Variants in PDZRN3 observed in about 807,000 individuals in gnomAD.
PDZRN3 encodes E3 ubiquitin-protein ligase PDZRN3.
PDZRN3 carries 38 observed loss-of-function variants against 85.7 expected under a neutral mutation model. That is an observed-to-expected ratio of 0.44 (90% CI 0.34 to 0.58). The LOEUF (loss-of-function observed/expected upper bound fraction) is 0.58, where lower values mean the gene tolerates loss of function less well. Among genes scored for constraint, PDZRN3 ranks in the 20% least tolerant of loss-of-function variants. The probability of loss-of-function intolerance (pLI) is 0.01; values close to 1 mark genes in which losing one functional copy is unlikely to be tolerated. For synonymous variants in PDZRN3, 759 were observed against 638.0 expected (o/e 1.19, Z -2.86); for missense variants, 1,629 against 1,506.4 (o/e 1.08, Z -1.35).
chr3:73,514,586 C>G (rs930308069), intron 3 of PDZRN3, among the ~76,000 whole-genome samples: 1 of 152,132 alleles, frequency 6.6e-6, no homozygotes, highest in Non-Finnish European at 1.5e-5. Flanking sequence ...GAAATTTCAA[C>G]CAATTGGTCT....
intron 3 of PDZRN3, among the ~76,000 whole-genome samples, chr3:73,464,470 ATTG>A (rs1219087120): frequency 6.6e-6 from 1 of 152,168 alleles, no homozygotes; most frequent in Non-Finnish European, 1.5e-5. Context: ...TCTAATTGTC[ATTG>A]TTGAACTCTC....
At chr3:73,571,515 C>T (rs1702046064) in intron 3 of PDZRN3, among the ~76,000 whole-genome samples, 2 of 152,228 alleles carry the variant, frequency 1.3e-5, no homozygotes, top group South Asian at 4.1e-4. Flanking sequence ...GCTGTAGTCA[C>T]ATTCTCACTT....
chr3:73,553,248 A>T (rs577526879), intron 3 of PDZRN3, among the ~76,000 whole-genome samples: 118 of 152,236 alleles, frequency 7.8e-4, no homozygotes, highest in African/African-American at 2.7e-3. Context: ...TGACACAATG[A>T]TCTCATTTAT....
chr3:73,388,010 T>TTCTTCACTGGTTAGAAGAGCCACAGCC lies in PDZRN3; in HGVS notation c.1449_1475dup (p.Ala484_Glu492dup). 6.2e-7 allele frequency: 1 copy of TTCTTCACTGGTTAGAAGAGCCACAGCC among 1,602,324 alleles called. No individual in the cohort carries two copies. Among genetic ancestry groups the TTCTTCACTGGTTAGAAGAGCCACAGCC allele is most frequent in the Non-Finnish European group, 8.5e-7 (1 of 1,173,080 alleles). ...CAATCAGCAATGAAAAGTTTTTATT[T>TTCTTCACTGGTTAGAAGAGCCACAGCC]TCTTCACTGGTTAGAAGAGCCACAG... On this transcript the variant is annotated inframe_insertion, in exon 8 of 10. Transcript: ENST00000263666.
chr3:73,618,068 A>G (rs12630477), intron 1 of PDZRN3, among the ~76,000 whole-genome samples: 17,590 of 152,246 alleles, frequency 0.12, 1,129 homozygotes, highest in East Asian at 0.18. Flanking sequence ...CACTGGACCT[A>G]TGTAAATGGG....
intron 3 of PDZRN3, among the ~76,000 whole-genome samples, chr3:73,497,811 G>A (rs7621605): frequency 2.5e-4 from 36 of 146,372 alleles, no homozygotes; most frequent in African/African-American, 9.6e-4. Flanking sequence ...CCCCGTCCCC[G>A]CCCCCGCCAA....
rs115180679 is a variant in PDZRN3, at chr3:73,485,560, T to C, written c.919-81165A>G. Among the ~76,000 whole-genome samples the C allele has an allele frequency of 2.7e-3, 406 of 152,312 alleles. 1 individual carries two copies. The highest frequency in any genetic ancestry group is 9.2e-3 in the African/African-American group (384 of 41,578). On this transcript the variant is annotated intron_variant, in intron 3 of 9. Coordinates refer to ENST00000263666, the MANE Select transcript of PDZRN3 (RefSeq NM_015009.3). ...TTCAAAGTCAAATACTACAAAGCAT[T>C]GCAAAGAATTAAGCTCTTATTTTAG...
intron 3 of PDZRN3, among the ~76,000 whole-genome samples, chr3:73,541,453 C>A (rs1704920055): frequency 3.3e-5 from 5 of 152,094 alleles, no homozygotes; most frequent in South Asian, 2.1e-4. Context: ...TAATTATCTC[C>A]TTTTTACACA....
intron 3 of PDZRN3, among the ~76,000 whole-genome samples, chr3:73,519,648 CTAAG>C (rs1704317934): frequency 6.6e-6 from 1 of 152,306 alleles, no homozygotes; most frequent in East Asian, 1.9e-4. Context: ...CCTGGAAGCC[CTAAG>C]TGAGTAAAGA....
intron 3 of PDZRN3, among the ~76,000 whole-genome samples, chr3:73,428,041 G>C (rs1328199587): frequency 2.0e-5 from 3 of 152,218 alleles, no homozygotes; most frequent in East Asian, 3.9e-4. Context: ...CAGCTGCAAA[G>C]TCTTGAGAAG....
chr3:73,513,495 T>C (rs1704204185), intron 3 of PDZRN3, among the ~76,000 whole-genome samples: 1 of 152,192 alleles, frequency 6.6e-6, no homozygotes, highest in Non-Finnish European at 1.5e-5. Context: ...TGCTGGACCC[T>C]GGCCAGTTAA....
intron 3 of PDZRN3, among the ~76,000 whole-genome samples, chr3:73,432,501 G>A (rs1469498776): frequency 8.5e-5 from 13 of 152,144 alleles, no homozygotes; most frequent in Non-Finnish European, 1.8e-4. Context: ...CTGTCTCAGT[G>A]GGGAAGGCAG....
intron 3 of PDZRN3, among the ~76,000 whole-genome samples, chr3:73,594,354 A>T (rs12635639): frequency 0.18 from 27,085 of 150,014 alleles, 2,974 homozygotes; most frequent in South Asian, 0.24. Context: ...CAAGAAGAAA[A>T]CAGATCTCAG....
intron 3 of PDZRN3, among the ~76,000 whole-genome samples, chr3:73,498,176 C>T (rs1703904475): frequency 6.6e-6 from 1 of 152,220 alleles, no homozygotes; most frequent in Non-Finnish European, 1.5e-5. Flanking sequence ...ATCCCTGTCA[C>T]TCCACTTGAA....
At chr3:73,516,596 C>T (rs1373482838) in intron 3 of PDZRN3, among the ~76,000 whole-genome samples, 1 of 151,964 alleles carries the variant, frequency 6.6e-6, no homozygotes, top group East Asian at 1.9e-4. Context: ...TGTTTTTTGC[C>T]ATACATAAGT....
intron 3 of PDZRN3, among the ~76,000 whole-genome samples, chr3:73,594,745 T>C (rs1172032586): frequency 2.6e-5 from 4 of 152,152 alleles, no homozygotes. Context: ...GTAAAGACTA[T>C]TAAGGTAAAG....
intron 6 of PDZRN3, among the ~76,000 whole-genome samples, chr3:73,390,416 C>G (rs991982623): frequency 3.3e-5 from 5 of 152,160 alleles, no homozygotes; most frequent in African/African-American, 9.6e-5. Context: ...TCTAGTAGAT[C>G]ATTCTGTAGC....
chr3:73,575,560 T>C (rs1308533346), intron 3 of PDZRN3, among the ~76,000 whole-genome samples: 1 of 152,198 alleles, frequency 6.6e-6, no homozygotes, highest in Admixed American at 6.5e-5. Flanking sequence ...TACTTTACAG[T>C]TGGGACAAAA....
rs1323934674 is a variant in PDZRN3 at position 73,384,435 on chromosome 3, G to A, written c.2131C>T (p.Leu711Phe). The A allele has an allele frequency of 5.0e-6, 8 of 1,611,560 alleles. No homozygotes were observed. The highest frequency in any genetic ancestry group is 1.1e-5 in the South Asian group (1 of 91,092). Residue 711 changes from leucine to phenylalanine, a missense_variant, in exon 10 of 10, where the codon CTC becomes TTC. Coordinates refer to ENST00000263666, the MANE Select transcript of PDZRN3 (RefSeq NM_015009.3). ...CAGGACTCGCGGTACTGCTCCTTGAGCTGCTGCATCTTGTGGGCGCGCACG... is the reference window on the plus strand; with the variant it reads ...CAGGACTCGCGGTACTGCTCCTTGAACTGCTGCATCTTGTGGGCGCGCACG... ...SIVRAHKMQQLKEQYRESWML... is the reference protein window; with the variant it reads ...SIVRAHKMQQFKEQYRESWML...
Sources: gnomAD v4.1 joint callset for allele counts (sites outside exome capture counted in the v4.1 genomes callset) on GRCh38, gnomAD v4.1.1 for gene constraint, MANE v1.5 for transcripts, NCBI Gene and HGNC (gene_info 2026-07-23, HGNC 2026-07-21) for gene names.